TEAD4: variants seen among roughly 807,000 people sequenced by gnomAD.
TEAD4 encodes TEA domain transcription factor 4, also known as transcriptional enhancer factor TEF-3.
Under a neutral mutation model 52.4 loss-of-function variants are expected in TEAD4, and 36 were observed. The observed-to-expected ratio is 0.69, with a 90% CI of 0.53 to 0.91. TEAD4 has a LOEUF of 0.91. TEAD4 is among the 40% of genes least tolerant of loss of function. TEAD4 has a pLI of 0.00. For missense variants in TEAD4, 508 were observed against 583.9 expected, an observed-to-expected ratio of 0.87 and a Z score of 1.34; for synonymous variants, 220 against 231.0, an observed-to-expected ratio of 0.95 and a Z score of 0.43.
chr12:2,985,048 G>A (rs1591564702), intron 2 of TEAD4, among the ~76,000 whole-genome samples: 1 of 152,274 alleles, frequency 6.6e-6, no homozygotes, highest in East Asian at 1.9e-4. Context: ...TTGGCTTTCT[G>A]TAACTTTTTT....
At chr12:2,961,160 A>G (rs1412064058) in intron 2 of TEAD4, among the ~76,000 whole-genome samples, 1 of 152,028 alleles carries the variant, frequency 6.6e-6, no homozygotes, top group Non-Finnish European at 1.5e-5. Context: ...AGACTTGTGT[A>G]AATAGTGCTT....
intron 2 of TEAD4, among the ~76,000 whole-genome samples, chr12:2,990,708 C>A (rs530935772): frequency 6.6e-6 from 1 of 152,112 alleles, no homozygotes; most frequent in East Asian, 1.9e-4. Flanking sequence ...TCAAGTGATC[C>A]GTCTGTCTCG....
intron 2 of TEAD4, among the ~76,000 whole-genome samples, chr12:2,972,955 C>T (rs1015905217): frequency 1.3e-5 from 2 of 152,320 alleles, no homozygotes; most frequent in East Asian, 1.9e-4. Flanking sequence ...ACTGTTCCAT[C>T]CCCCAAACGA....
chr12:3,032,164 CT>C (rs777356831), intron 10 of TEAD4, among the ~76,000 whole-genome samples: 13 of 152,330 alleles, frequency 8.5e-5, no homozygotes, highest in African/African-American at 3.1e-4. Context: ...CTAGAAGGTA[CT>C]TTTCCAAACT....
At chr12:3,016,558 T>C (rs1372434858) in intron 5 of TEAD4, among the ~76,000 whole-genome samples, 2 of 151,222 alleles carry the variant, frequency 1.3e-5, no homozygotes, top group Non-Finnish European at 2.9e-5. Flanking sequence ...TGAGCCATGA[T>C]TGTGCAGTAC....
chr12:3,011,079 A>C lies in TEAD4; in HGVS notation c.291+11A>C, dbSNP rs1195752049. On this transcript the variant is annotated intron_variant, in intron 4 of 12. Transcript: ENST00000359864. ...CGCACCAGGAAGCAGGTGGGCCTCA[A>C]GAGACGGGTAGGGGTCCCGGGGGTG... 1 of 1,613,914 alleles carries C rather than the reference A, an allele frequency of 6.2e-7. No homozygotes were observed. Among genetic ancestry groups the C allele is most frequent in the African/African-American group, 1.3e-5 (1 of 74,910 alleles).
chr12:2,989,677 C>T lies in TEAD4; in HGVS notation c.-29-5061C>T, dbSNP rs2098241533. Among the ~76,000 whole-genome samples, 5 of 152,050 alleles carry T rather than the reference C, an allele frequency of 3.3e-5. No homozygotes were observed. The South Asian group carries it at 1.0e-3, about 32-fold the overall frequency. On this transcript the variant is annotated intron_variant, in intron 2 of 12. Coordinates refer to ENST00000359864, the MANE Select transcript of TEAD4 (RefSeq NM_003213.4). ...CTGGTCTCAAACTCCTGGCCTCAAGCCATCCACCTGCCTTGGCCTCCCAAA... is the reference window on the plus strand; with the variant it reads ...CTGGTCTCAAACTCCTGGCCTCAAGTCATCCACCTGCCTTGGCCTCCCAAA...
intron 2 of TEAD4, among the ~76,000 whole-genome samples, chr12:2,985,842 T>C (rs953593014): frequency 1.3e-5 from 2 of 151,980 alleles, no homozygotes; most frequent in African/African-American, 4.8e-5. Flanking sequence ...TCCCAGCACT[T>C]TGGGAGGCCG....
intron 2 of TEAD4, among the ~76,000 whole-genome samples, chr12:2,981,528 C>A (rs2098234110): frequency 6.6e-6 from 1 of 152,180 alleles, no homozygotes; most frequent in Non-Finnish European, 1.5e-5. Context: ...GTACCTACCT[C>A]CACCCAAGCC....
chr12:2,964,448 T>A (rs949833193), intron 2 of TEAD4, among the ~76,000 whole-genome samples: 3 of 151,238 alleles, frequency 2.0e-5, no homozygotes, highest in Admixed American at 6.6e-5. Flanking sequence ...ACGTGAGGGA[T>A]TTCTTTCTTT....
At chr12:2,974,297 C>A in intron 2 of TEAD4, among the ~76,000 whole-genome samples, 1 of 152,218 alleles carries the variant, frequency 6.6e-6, no homozygotes, top group East Asian at 1.9e-4. Context: ...GCCACCGTGC[C>A]CGGCCAGCTT....
chr12:2,962,718 G>A (rs964110280), intron 2 of TEAD4, among the ~76,000 whole-genome samples: 40 of 151,986 alleles, frequency 2.6e-4, no homozygotes, highest in African/African-American at 2.9e-4. Context: ...GATCCGCCTC[G>A]GCCTCCCAAA....
intron 10 of TEAD4, among the ~76,000 whole-genome samples, chr12:3,025,171 T>TGACCTCAGGCGATCTGCC (rs1210993591): frequency 1.3e-5 from 2 of 152,210 alleles, no homozygotes; most frequent in Non-Finnish European, 2.9e-5. Context: ...CTTGAACTCC[T>TGACCTCAGGCGATCTGCC]GACCTCAGGC....
intron 5 of TEAD4, among the ~76,000 whole-genome samples, chr12:3,013,259 A>ATTT (rs77874270): frequency 1.5e-5 from 2 of 131,992 alleles, no homozygotes. Context: ...GCCTGCAAAC[A>ATTT]TTTTTTTTTT....
intron 10 of TEAD4, among the ~76,000 whole-genome samples, chr12:3,030,448 G>A (rs188616343): frequency 6.6e-6 from 1 of 152,112 alleles, no homozygotes; most frequent in African/African-American, 2.4e-5. Flanking sequence ...CTCCAGCTCC[G>A]AGCCACGCAG....
intron 2 of TEAD4, among the ~76,000 whole-genome samples, chr12:2,967,338 G>T (rs1281339826): frequency 6.6e-6 from 1 of 151,810 alleles, no homozygotes; most frequent in Non-Finnish European, 1.5e-5. Context: ...GCTATCTAAT[G>T]GGTAATAGTG....
chr12:2,985,911 CT>C (rs1289860592), intron 2 of TEAD4, among the ~76,000 whole-genome samples: 5 of 151,854 alleles, frequency 3.3e-5, no homozygotes, highest in Non-Finnish European at 1.5e-5. Flanking sequence ...GGGCGAAACC[CT>C]GTCTCTACTA....
At chr12:3,000,581 G>T (rs949189737) in intron 3 of TEAD4, among the ~76,000 whole-genome samples, 1 of 152,124 alleles carries the variant, frequency 6.6e-6, no homozygotes, top group African/African-American at 2.4e-5. Context: ...CTCCTTAAAG[G>T]CCCACCTGTC....
chr12:2,970,966 C>G (rs2098224476), intron 2 of TEAD4, among the ~76,000 whole-genome samples: 1 of 152,224 alleles, frequency 6.6e-6, no homozygotes, highest in South Asian at 2.1e-4. Flanking sequence ...CCTCCCATAC[C>G]TCCTCAGGGC....
Sources: gnomAD v4.1 joint callset for allele counts (sites outside exome capture counted in the v4.1 genomes callset) on GRCh38, gnomAD v4.1.1 for gene constraint, MANE v1.5 for transcripts, NCBI Gene and HGNC (gene_info 2026-07-23, HGNC 2026-07-21) for gene names.